The following NHS variants were observed in gnomAD, a reference collection of about 807,000 sequenced individuals.
The protein encoded by NHS is NHS actin remodeling regulator.
In NHS, 5 loss-of-function variants were observed where a neutral mutation model predicts 72.5. The observed-to-expected ratio is 0.07, with a 90% CI of 0.04 to 0.14. The LOEUF (loss-of-function observed/expected upper bound fraction) is 0.14. NHS is among the 10% of genes least tolerant of loss of function. The pLI is 1.00. For synonymous variants in NHS, 464 were observed against 547.7 expected (o/e 0.85, Z 2.13); for missense variants, 1,072 against 1,355.7 (o/e 0.79, Z 3.29).
At chrX:17,678,803 G>A (rs1250627135) in intron 1 of NHS, among the ~76,000 whole-genome samples, 1 of 111,764 alleles carries the variant, frequency 8.9e-6, no homozygotes, top group Non-Finnish European at 1.9e-5. Flanking sequence ...TTTAATAAAT[G>A]CTTGAAAGAA....
intron 1 of NHS, among the ~76,000 whole-genome samples, chrX:17,503,005 C>T (rs2065042643): frequency 9.0e-6 from 1 of 111,695 alleles, no homozygotes; most frequent in Non-Finnish European, 1.9e-5. Flanking sequence ...TCTACAGTTC[C>T]CACCTCCATA....
chrX:17,434,033 T>C (rs1450765785), intron 1 of NHS, among the ~76,000 whole-genome samples: 1 of 111,835 alleles, frequency 8.9e-6, no homozygotes, highest in Non-Finnish European at 1.9e-5. Flanking sequence ...CTTCATTCTC[T>C]CTCGGGCCTT....
In NHS at chrX:17,423,518, G is replaced by A. The variant is rs779123367; in HGVS notation, c.565+47196G>A. 5.4e-5 allele frequency among the ~76,000 whole-genome samples: 6 copies of A among 111,482 alleles called. No individual in the cohort carries two copies. In the South Asian group the frequency reaches 1.9e-3, roughly 36 times the overall value. On this transcript the variant is annotated intron_variant, in intron 1 of 8. Transcript: ENST00000676302. ...CTGTCTTGCCTCTGGCCCTCTGTCT[G>A]CTCGGCTAGATCCTGGTTAGGAGCT...
chrX:17,570,811 A>C (rs1217565900), intron 1 of NHS, among the ~76,000 whole-genome samples: 6 of 111,901 alleles, frequency 5.4e-5, no homozygotes, highest in African/African-American at 2.0e-4. Context: ...TGGGTTTGTC[A>C]TAAATAGCTC....
intron 3 of NHS, among the ~76,000 whole-genome samples, chrX:17,704,860 G>A (rs2066287107): frequency 8.9e-6 from 1 of 112,186 alleles, no homozygotes; most frequent in African/African-American, 3.2e-5. Context: ...AATTTGGGGG[G>A]TTAATAAAAA....
At chrX:17,644,438 T>G (rs779169602) in intron 1 of NHS, among the ~76,000 whole-genome samples, 1 of 112,347 alleles carries the variant, frequency 8.9e-6, no homozygotes, top group Non-Finnish European at 1.9e-5. Flanking sequence ...ACCTGGCTAT[T>G]TCTTCAGTTT....
intron 1 of NHS, chrX:17,587,309 C>T (rs1202738534): frequency 1.8e-5 from 2 of 112,115 alleles, no homozygotes; most frequent in Non-Finnish European, 3.8e-5. Flanking sequence ...TGTTCCTTCC[C>T]TTCCTCACCA....
chrX:17,384,257 G>C (rs1035504215), intron 1 of NHS, among the ~76,000 whole-genome samples: 1 of 112,095 alleles, frequency 8.9e-6, no homozygotes, highest in Non-Finnish European at 1.9e-5. Flanking sequence ...CTGTAATTGT[G>C]GTTAAGTTTC....
chrX:17,481,122 G>A (rs932271088), intron 1 of NHS, among the ~76,000 whole-genome samples: 6 of 111,818 alleles, frequency 5.4e-5, no homozygotes, highest in African/African-American at 2.0e-4. Context: ...CCTTCTTGCT[G>A]GTATGGGTTA....
At chrX:17,377,976 G>C (rs149285380) in intron 1 of NHS, among the ~76,000 whole-genome samples, 1 of 112,191 alleles carries the variant, frequency 8.9e-6, no homozygotes, top group African/African-American at 3.2e-5. Context: ...GGTATCTGGG[G>C]AGTGCGGTTG....
intron 3 of NHS, among the ~76,000 whole-genome samples, chrX:17,718,570 G>A (rs1366946365): frequency 1.1e-5 from 1 of 89,606 alleles, no homozygotes; most frequent in Non-Finnish European, 2.2e-5. Flanking sequence ...GAAGGAAGGA[G>A]GGAAAGAAGA....
At chrX:17,635,307 A>G in intron 1 of NHS, 1 of 1,065,316 alleles carries the variant, frequency 9.4e-7, no homozygotes, top group Non-Finnish European at 1.2e-6. Context: ...TTTGCCATTC[A>G]AGTGAACCCT....
chrX:17,528,194 A>C (rs976807068), intron 1 of NHS, among the ~76,000 whole-genome samples: 2 of 111,849 alleles, frequency 1.8e-5, no homozygotes, highest in Non-Finnish European at 3.8e-5. Context: ...GGTGAGGAGA[A>C]GTGAAGGATG....
At chrX:17,684,639 G>C (rs1037279974) in intron 1 of NHS, among the ~76,000 whole-genome samples, 1 of 112,081 alleles carries the variant, frequency 8.9e-6, no homozygotes, top group Non-Finnish European at 1.9e-5. Flanking sequence ...GTTGCTTTTT[G>C]TCTCTTTTAA....
chrX:17,704,275 C>A (rs1447864795), intron 3 of NHS, among the ~76,000 whole-genome samples: 3 of 108,505 alleles, frequency 2.8e-5, no homozygotes, highest in Non-Finnish European at 5.7e-5. Context: ...GAGACTCTAT[C>A]TCTAAAAAAA....
At chrX:17,702,175 TATC>T (rs980352551) in intron 3 of NHS, among the ~76,000 whole-genome samples, 1 of 110,500 alleles carries the variant, frequency 9.0e-6, no homozygotes, top group Non-Finnish European at 1.9e-5. Flanking sequence ...AATAAATAAT[TATC>T]ATCAACCAGG....
intron 4 of NHS, among the ~76,000 whole-genome samples, chrX:17,720,105 G>A (rs1395917577): frequency 8.9e-6 from 1 of 112,214 alleles, no homozygotes; most frequent in African/African-American, 3.2e-5. Context: ...CACAAAAGCT[G>A]AAGAGAGAAA....
chrX:17,430,303 CTTT>C (rs2064686140), intron 1 of NHS, among the ~76,000 whole-genome samples: 2 of 70,940 alleles, frequency 2.8e-5, no homozygotes, highest in African/African-American at 1.2e-4. Context: ...TTCTTTCTTT[CTTT>C]CTTTCTTTCC....
At chrX:17,509,813 C>T (rs2146929939) in intron 1 of NHS, among the ~76,000 whole-genome samples, 1 of 112,080 alleles carries the variant, frequency 8.9e-6, no homozygotes, top group African/African-American at 3.2e-5. Flanking sequence ...ATGCAAACTG[C>T]CTTCTTTACA....
Sources: gnomAD v4.1 joint callset for allele counts (sites outside exome capture counted in the v4.1 genomes callset) on GRCh38, gnomAD v4.1.1 for gene constraint, MANE v1.5 for transcripts, NCBI Gene and HGNC (gene_info 2026-07-23, HGNC 2026-07-21) for gene names.